EIF4G3: variants seen among roughly 807,000 people sequenced by gnomAD.
EIF4G3 encodes eukaryotic translation initiation factor 4 gamma 3, also known as eIF-4-gamma 3.
Under a neutral mutation model 186.4 loss-of-function variants are expected in EIF4G3, and 34 were observed. The ratio of observed to expected loss-of-function variants is 0.18; its 90% CI spans 0.14 to 0.24. The LOEUF (loss-of-function observed/expected upper bound fraction) is 0.24. EIF4G3 is among the 10% of genes least tolerant of loss of function. The probability of loss-of-function intolerance (pLI) is 1.00; values close to 1 mark genes in which losing one functional copy is unlikely to be tolerated. For synonymous variants in EIF4G3, 673 were observed against 679.5 expected, an observed-to-expected ratio of 0.99 and a Z score of 0.15; for missense variants, 1,536 against 1,948.5, an observed-to-expected ratio of 0.79 and a Z score of 3.99.
intron 11 of EIF4G3, among the ~76,000 whole-genome samples, chr1:20,972,069 G>C (rs1483734491): frequency 6.6e-6 from 1 of 152,060 alleles, no homozygotes; most frequent in East Asian, 1.9e-4. Flanking sequence ...TGTTGCGTAA[G>C]GAATTGCAAG....
At chr1:20,970,943 G>A (rs1231792549) in intron 11 of EIF4G3, among the ~76,000 whole-genome samples, 1 of 152,162 alleles carries the variant, frequency 6.6e-6, no homozygotes, top group Non-Finnish European at 1.5e-5. Flanking sequence ...CAGCCTGGGG[G>A]AAAAGAGCGA....
intron 4 of EIF4G3, among the ~76,000 whole-genome samples, chr1:21,034,404 C>T (rs1250123314): frequency 1.3e-5 from 2 of 152,196 alleles, no homozygotes; most frequent in Non-Finnish European, 2.9e-5. Context: ...TATTCTTACT[C>T]TGTTACTTCA....
chr1:20,855,549 T>A (rs2074626684), intron 25 of EIF4G3, among the ~76,000 whole-genome samples: 1 of 152,130 alleles, frequency 6.6e-6, no homozygotes, highest in African/African-American at 2.4e-5. Context: ...AAGAAAGAGA[T>A]TGGAATGTTA....
intron 4 of EIF4G3, among the ~76,000 whole-genome samples, chr1:21,048,106 T>C (rs12024220): frequency 6.6e-6 from 1 of 152,292 alleles, no homozygotes; most frequent in East Asian, 1.9e-4. Flanking sequence ...TAAAATGGCA[T>C]ATAGAACAGC....
chr1:21,171,311 G>A (rs2097962818), intron 2 of EIF4G3, among the ~76,000 whole-genome samples: 1 of 152,108 alleles, frequency 6.6e-6, no homozygotes, highest in South Asian at 2.1e-4. Context: ...CAGCACCACG[G>A]GAGTTTATTC....
chr1:20,862,151 C>T (rs1289524869), intron 23 of EIF4G3, 77 bp downstream of exon 23: 1 of 863,614 alleles, frequency 1.2e-6, no homozygotes, highest in Non-Finnish European at 1.8e-6. Context: ...ATGTAAACAA[C>T]AGGACATCCT....
chr1:21,006,290 A>T (rs774607539), intron 4 of EIF4G3, among the ~76,000 whole-genome samples: 2 of 152,238 alleles, frequency 1.3e-5, no homozygotes, highest in South Asian at 2.1e-4. Flanking sequence ...TTCAGTGGGA[A>T]CATACTTTGA....
intron 4 of EIF4G3, among the ~76,000 whole-genome samples, chr1:21,025,952 T>C (rs1302125625): frequency 2.0e-5 from 3 of 152,232 alleles, no homozygotes; most frequent in African/African-American, 7.2e-5. Flanking sequence ...GAAGATTTAA[T>C]ATTGTTAATA....
chr1:20,843,672 A>G (rs66500834), intron 29 of EIF4G3, among the ~76,000 whole-genome samples: 4,260 of 152,290 alleles, frequency 0.028, 90 homozygotes, highest in Middle Eastern at 0.051. Context: ...GATCAGGGGT[A>G]CATGTGCAGG....
At chr1:20,855,156 T>A in intron 25 of EIF4G3, 85 bp from the exon 26 acceptor site, 3 of 1,053,510 alleles carry the variant, frequency 2.8e-6, no homozygotes, top group East Asian at 2.7e-5. Context: ...TTCAGTGAAG[T>A]AGAACCAATT....
At chr1:21,049,682 C>A (rs1429091062) in intron 4 of EIF4G3, among the ~76,000 whole-genome samples, 1 of 152,032 alleles carries the variant, frequency 6.6e-6, no homozygotes, top group Non-Finnish European at 1.5e-5. Context: ...GAGATCAAGG[C>A]CAATCTGAGC....
chr1:21,088,399 A>G (rs2096067323), intron 3 of EIF4G3, among the ~76,000 whole-genome samples: 1 of 150,678 alleles, frequency 6.6e-6, no homozygotes, highest in Non-Finnish European at 1.5e-5. Context: ...CAGCCTGGCA[A>G]CAAGAGCAAA....
intron 6 of EIF4G3, chr1:20,999,729 T>C: frequency 2.2e-6 from 1 of 454,826 alleles, no homozygotes; most frequent in Non-Finnish European, 4.4e-6. Flanking sequence ...CCATTGGCTA[T>C]TGAGTTTTTC....
intron 29 of EIF4G3, among the ~76,000 whole-genome samples, chr1:20,843,823 T>G (rs1360901453): frequency 6.6e-6 from 1 of 152,184 alleles, no homozygotes; most frequent in Non-Finnish European, 1.5e-5. Context: ...TGTCCTCCAG[T>G]AGGCCCCAGT....
intron 21 of EIF4G3, 134 bp downstream of exon 21, chr1:20,864,982 T>C: frequency 1.0e-6 from 1 of 1,003,642 alleles, no homozygotes; most frequent in Admixed American, 2.5e-5. Context: ...CATTAATATG[T>C]TGTTTCTACA....
chr1:20,982,478 G>A (rs1570328720), intron 7 of EIF4G3, 70 bp from the exon 8 acceptor site: 2 of 1,199,158 alleles, frequency 1.7e-6, no homozygotes, highest in East Asian at 2.7e-5. Flanking sequence ...CAGATCAGTT[G>A]GAAGGGACAG....
intron 7 of EIF4G3, among the ~76,000 whole-genome samples, chr1:20,993,121 T>C (rs1449183426): frequency 2.0e-5 from 3 of 152,202 alleles, no homozygotes; most frequent in Non-Finnish European, 2.9e-5. Flanking sequence ...ACATCCTTAT[T>C]AATCTGAAGA....
intron 30 of EIF4G3, among the ~76,000 whole-genome samples, chr1:20,836,767 C>T (rs181866810): frequency 4.9e-4 from 74 of 152,282 alleles, no homozygotes; most frequent in South Asian, 8.3e-4. Flanking sequence ...CAAAGTCATT[C>T]CAGTTCTGTG....
rs193132268 is a variant in EIF4G3, at chr1:20,846,560, T to C, written c.3888+2855A>G. On this transcript the variant is annotated intron_variant, in intron 29 of 36. Transcript: ENST00000602326. ...GCACTGAAAACATTTTTTTGGTAGC[T>C]ACTGTTTATTTATTAATTTACTACC... 9.9e-4 allele frequency among the ~76,000 whole-genome samples: 151 copies of C among 152,346 alleles called. 1 individual carries two copies. Among genetic ancestry groups the C allele is most frequent in the African/African-American group, 3.5e-3 (145 of 41,584 alleles).
Sources: allele counts gnomAD v4.1 joint callset (sites outside exome capture counted in the v4.1 genomes callset), GRCh38; gene constraint gnomAD v4.1.1; transcripts MANE v1.5; gene names NCBI Gene and HGNC (gene_info 2026-07-23, HGNC 2026-07-21).